IQCM: variants seen among roughly 807,000 people sequenced by gnomAD.
The protein encoded by IQCM is IQ motif containing M.
A neutral mutation model predicts 57.6 loss-of-function variants in IQCM; 45 were observed. The observed-to-expected ratio is 0.78, with a 90% CI of 0.62 to 1.00. The LOEUF is 1.00. IQCM is among the 50% of genes least tolerant of loss of function. IQCM has a pLI of 0.00. For missense variants in IQCM, 468 were observed against 511.6 expected (o/e 0.91, Z 0.82); for synonymous variants, 148 against 158.9 (o/e 0.93, Z 0.51).
At chr4:149,444,955 A>G (rs1363622496) in intron 12 of IQCM, among the ~76,000 whole-genome samples, 1 of 151,962 alleles carries the variant, frequency 6.6e-6, no homozygotes, top group Non-Finnish European at 1.5e-5. Context: ...TCATTAAATT[A>G]TCCCCTTTCT....
At chr4:149,396,751 C>T (rs1005265436) in intron 13 of IQCM, among the ~76,000 whole-genome samples, 3 of 152,016 alleles carry the variant, frequency 2.0e-5, no homozygotes, top group Non-Finnish European at 4.4e-5. Context: ...TACCATTCCA[C>T]TCTTTGATTC....
intron 13 of IQCM, among the ~76,000 whole-genome samples, chr4:149,376,867 C>T (rs532432232): frequency 1.2e-4 from 18 of 152,140 alleles, no homozygotes; most frequent in African/African-American, 4.1e-4. Flanking sequence ...TATGACTATT[C>T]AAGACCTTAA....
intron 8 of IQCM, among the ~76,000 whole-genome samples, chr4:149,610,373 A>T (rs1755170806): frequency 2.6e-5 from 4 of 152,006 alleles, no homozygotes; most frequent in Admixed American, 2.6e-4. Flanking sequence ...ATAAAAAATA[A>T]TCCTAAAATT....
intron 12 of IQCM, among the ~76,000 whole-genome samples, chr4:149,453,720 G>T (rs1737375804): frequency 6.6e-6 from 1 of 151,736 alleles, no homozygotes; most frequent in Admixed American, 6.6e-5. Flanking sequence ...AAAATAACAG[G>T]TGACAGCAAA....
Position 149,564,661 on chromosome 4 carries a change from C to G in IQCM, c.750-771G>C, listed in dbSNP as rs1005293618. Among the ~76,000 whole-genome samples, 12 of 152,204 alleles carry G rather than the reference C, an allele frequency of 7.9e-5. No homozygotes were observed. The East Asian group carries it at 2.3e-3, about 29-fold the overall frequency. On this transcript the variant is annotated intron_variant, in intron 9 of 13. Coordinates refer to ENST00000636793, the MANE Select transcript of IQCM (RefSeq NM_001363507.2). ...AGACAGACTGGCCTAGTCTCCTAGG[C>G]TATATTTTTCTTCCGTACTGGTTGC...
intron 8 of IQCM, among the ~76,000 whole-genome samples, chr4:149,590,376 G>A (rs935643273): frequency 2.0e-5 from 3 of 148,278 alleles, no homozygotes; most frequent in African/African-American, 7.5e-5. Flanking sequence ...AGTCTATTCT[G>A]CCTTGATGTT....
chr4:149,753,817 CA>C (rs1267315061), intron 2 of IQCM, among the ~76,000 whole-genome samples: 1 of 102,884 alleles, frequency 9.7e-6, no homozygotes, highest in African/African-American at 4.0e-5. Context: ...AAAGGAAGCT[CA>C]GGGGAGGGGG....
chr4:149,560,867 G>A (rs369101354), intron 10 of IQCM, among the ~76,000 whole-genome samples: 4 of 152,048 alleles, frequency 2.6e-5, no homozygotes, highest in South Asian at 4.2e-4. Flanking sequence ...CCCAGCGGAG[G>A]GACTGCCACA....
At chr4:149,493,441 A>G (rs1332912380) in intron 12 of IQCM, among the ~76,000 whole-genome samples, 1 of 152,122 alleles carries the variant, frequency 6.6e-6, no homozygotes, top group Non-Finnish European at 1.5e-5. Flanking sequence ...ACCAACTGAC[A>G]TATTTATCAC....
In IQCM at chr4:149,354,381, A is replaced by AAAC. The variant is rs1364060890; in HGVS notation, c.1391-2316_1391-2315insGTT. On this transcript the variant is annotated intron_variant, in intron 13 of 13. Transcript: ENST00000636793. ...TCCGTCTCAAAAAAAAAAAAAAAAA[A>AAAC]AAAAAAAACTGACAAATTAGGCCAC... 2.3e-4 allele frequency among the ~76,000 whole-genome samples: 27 copies of AAAC among 117,132 alleles called. 4 individuals carry two copies. The highest frequency in any genetic ancestry group is 1.1e-3 in the African/African-American group (25 of 22,958). 76.8% of individuals were successfully genotyped at this position (117,132 alleles called of 152,430 possible).
At chr4:149,702,858 C>G (rs903824499) in intron 5 of IQCM, among the ~76,000 whole-genome samples, 2 of 151,880 alleles carry the variant, frequency 1.3e-5, no homozygotes, top group African/African-American at 2.4e-5. Flanking sequence ...TCTGAGGGAT[C>G]CTGCTCTTAA....
In IQCM at chr4:149,579,781, G is replaced by A. The variant is rs112817122; in HGVS notation, c.749+8149C>T. 5.3e-3 allele frequency among the ~76,000 whole-genome samples: 802 copies of A among 151,916 alleles called. 4 individuals carry two copies. Among genetic ancestry groups the A allele is most frequent in the Non-Finnish European group, 7.7e-3 (520 of 67,828 alleles). Reference sequence around the variant, plus strand: ...GACTTGGAGGTATATGAGGGAGTTTGGAGATGGTAGCATTTTCAGGAGATG... The same window carrying A: ...GACTTGGAGGTATATGAGGGAGTTTAGAGATGGTAGCATTTTCAGGAGATG... On this transcript the variant is annotated intron_variant, in intron 9 of 13. Transcript: ENST00000636793.
At chr4:149,432,497 AC>A (rs1353723317) in intron 13 of IQCM, among the ~76,000 whole-genome samples, 1 of 152,052 alleles carries the variant, frequency 6.6e-6, no homozygotes, top group East Asian at 1.9e-4. Flanking sequence ...ACAAAAATTA[AC>A]CCCAAATCAA....
intron 5 of IQCM, among the ~76,000 whole-genome samples, chr4:149,730,065 G>T (rs1314233862): frequency 1.3e-5 from 2 of 152,194 alleles, no homozygotes; most frequent in Non-Finnish European, 2.9e-5. Context: ...ACATGGTCTA[G>T]ATTCCAACTT....
chr4:149,756,282 G>GA (rs1768952297), intron 2 of IQCM, among the ~76,000 whole-genome samples: 3 of 151,916 alleles, frequency 2.0e-5, no homozygotes, highest in South Asian at 2.1e-4. Context: ...TTCTCACATA[G>GA]AAAAAAGATA....
At chr4:149,754,603 G>A (rs766702209) in intron 2 of IQCM, among the ~76,000 whole-genome samples, 2 of 152,080 alleles carry the variant, frequency 1.3e-5, no homozygotes, top group Non-Finnish European at 2.9e-5. Flanking sequence ...TCTCCTTCTT[G>A]AAATATTTTC....
chr4:149,422,642 G>T (rs1243477624), intron 13 of IQCM, among the ~76,000 whole-genome samples: 1 of 151,996 alleles, frequency 6.6e-6, no homozygotes, highest in Non-Finnish European at 1.5e-5. Context: ...CATGAAGGGG[G>T]TGGAGTATGG....
chr4:149,556,336 G>A (rs1160031269), intron 10 of IQCM, among the ~76,000 whole-genome samples: 1 of 148,408 alleles, frequency 6.7e-6, no homozygotes, highest in Non-Finnish European at 1.5e-5. Context: ...TTCATTGTTT[G>A]GAGAATTCCG....
intron 10 of IQCM, among the ~76,000 whole-genome samples, chr4:149,557,410 T>C (rs985372265): frequency 6.6e-6 from 1 of 152,180 alleles, no homozygotes; most frequent in Non-Finnish European, 1.5e-5. Flanking sequence ...GCCTCATTTT[T>C]CATAATTACT....
Sources: gnomAD v4.1 joint callset for allele counts (sites outside exome capture counted in the v4.1 genomes callset) on GRCh38, gnomAD v4.1.1 for gene constraint, MANE v1.5 for transcripts, NCBI Gene and HGNC (gene_info 2026-07-23, HGNC 2026-07-21) for gene names.